The following SLC9A9 variants were observed in gnomAD, a reference collection of about 807,000 sequenced individuals.
SLC9A9 encodes the protein sodium/hydrogen exchanger 9.
SLC9A9 carries 62 observed loss-of-function variants against 77.8 expected under a neutral mutation model. The ratio of observed to expected loss-of-function variants is 0.80; its 90% CI spans 0.65 to 0.98. The LOEUF is 0.98. SLC9A9 is among the 50% of genes least tolerant of loss of function. The pLI, the probability that SLC9A9 is intolerant of heterozygous loss-of-function variation, is 0.00. For missense variants in SLC9A9, 775 were observed against 774.9 expected (o/e 1.00, Z 0.00); for synonymous variants, 320 against 283.5 (o/e 1.13, Z -1.29).
chr3:143,343,449 G>A (rs1170730200), intron 14 of SLC9A9: 2 of 152,102 alleles, frequency 1.3e-5, no homozygotes, highest in Non-Finnish European at 2.9e-5. Flanking sequence ...CAACAGCTAG[G>A]CAAGAACTGC....
chr3:143,715,703 G>C (rs1030704999), intron 4 of SLC9A9, among the ~76,000 whole-genome samples: 1 of 152,138 alleles, frequency 6.6e-6, no homozygotes, highest in Non-Finnish European at 1.5e-5. Context: ...GGAAGAATTA[G>C]AGAGGAAGGC....
At chr3:143,710,110 A>T (rs564777522) in intron 4 of SLC9A9, among the ~76,000 whole-genome samples, 1 of 152,338 alleles carries the variant, frequency 6.6e-6, no homozygotes, top group South Asian at 2.1e-4. Flanking sequence ...GAATTGTATC[A>T]ACTCAGAAGC....
At chr3:143,525,829 GAA>G in intron 9 of SLC9A9, among the ~76,000 whole-genome samples, 1 of 151,984 alleles carries the variant, frequency 6.6e-6, no homozygotes, top group South Asian at 2.1e-4. Context: ...AATGACAAAA[GAA>G]AAAAGAGAAA....
At chr3:143,267,473 G>A (rs768190096) in intron 15 of SLC9A9, among the ~76,000 whole-genome samples, 10 of 149,676 alleles carry the variant, frequency 6.7e-5, no homozygotes, top group South Asian at 4.2e-4. Context: ...CTTCAGCCTC[G>A]CGAGTAGCTG....
intron 12 of SLC9A9, among the ~76,000 whole-genome samples, chr3:143,423,519 C>T (rs149996362): frequency 2.0e-5 from 3 of 152,076 alleles, no homozygotes; most frequent in East Asian, 1.9e-4. Flanking sequence ...ATGTTAAGGG[C>T]GGAGCAGATG....
intron 11 of SLC9A9, among the ~76,000 whole-genome samples, chr3:143,476,867 G>C (rs1393987354): frequency 6.6e-6 from 1 of 152,156 alleles, no homozygotes; most frequent in Non-Finnish European, 1.5e-5. Context: ...CAGGGATGCT[G>C]TTAAACATTC....
intron 9 of SLC9A9, among the ~76,000 whole-genome samples, chr3:143,519,047 G>A (rs1377342942): frequency 6.6e-6 from 1 of 152,208 alleles, no homozygotes; most frequent in African/African-American, 2.4e-5. Flanking sequence ...AGGACCTACT[G>A]TGTGCCAGCT....
At chr3:143,356,292 C>T (rs545853619) in intron 14 of SLC9A9, among the ~76,000 whole-genome samples, 11 of 152,226 alleles carry the variant, frequency 7.2e-5, no homozygotes, top group African/African-American at 2.4e-4. Context: ...GAATCAGTTG[C>T]CATCAGTAGG....
chr3:143,759,753 T>C (rs1055571071), intron 4 of SLC9A9, among the ~76,000 whole-genome samples: 1 of 152,146 alleles, frequency 6.6e-6, no homozygotes, highest in Non-Finnish European at 1.5e-5. Context: ...TCTCCCCATA[T>C]TTATTTTACT....
chr3:143,521,485 T>A (rs1426459463), intron 9 of SLC9A9, among the ~76,000 whole-genome samples: 1 of 152,182 alleles, frequency 6.6e-6, no homozygotes, highest in Non-Finnish European at 1.5e-5. Context: ...TGACAGTGTT[T>A]CCCTTTTGAT....
At chr3:143,427,982 T>C (rs1288615129) in intron 12 of SLC9A9, among the ~76,000 whole-genome samples, 1 of 152,196 alleles carries the variant, frequency 6.6e-6, no homozygotes, top group Non-Finnish European at 1.5e-5. Flanking sequence ...ATTATGAAAT[T>C]ACTAAAGGAA....
intron 4 of SLC9A9, among the ~76,000 whole-genome samples, chr3:143,759,652 C>G (rs964060073): frequency 2.0e-5 from 3 of 151,796 alleles, no homozygotes; most frequent in Admixed American, 6.6e-5. Context: ...AGAAATACCC[C>G]CGTTTTTTTC....
intron 6 of SLC9A9, among the ~76,000 whole-genome samples, chr3:143,601,539 T>G (rs2037845096): frequency 6.6e-6 from 1 of 152,230 alleles, no homozygotes; most frequent in African/African-American, 2.4e-5. Flanking sequence ...CCTCTGCTCT[T>G]TCACTGTATC....
intron 12 of SLC9A9, among the ~76,000 whole-genome samples, chr3:143,406,748 G>A (rs1420753946): frequency 3.9e-5 from 6 of 152,060 alleles, no homozygotes; most frequent in Non-Finnish European, 7.4e-5. Context: ...GGCCAAGGCC[G>A]GGAGATCACC....
At chr3:143,278,265 A>G (rs1938113214) in intron 14 of SLC9A9, among the ~76,000 whole-genome samples, 1 of 152,184 alleles carries the variant, frequency 6.6e-6, no homozygotes, top group Admixed American at 6.5e-5. Flanking sequence ...ACGGGGAGGA[A>G]GACGGCAAAC....
chr3:143,601,820 C>A (rs923186388), intron 6 of SLC9A9, among the ~76,000 whole-genome samples: 9 of 152,134 alleles, frequency 5.9e-5, no homozygotes, highest in African/African-American at 2.2e-4. Context: ...CTGGAGGAAA[C>A]ACCTTCACTG....
At chr3:143,333,422 G>A (rs149526449) in intron 14 of SLC9A9, among the ~76,000 whole-genome samples, 3 of 152,338 alleles carry the variant, frequency 2.0e-5, no homozygotes, top group Non-Finnish European at 4.4e-5. Context: ...AGTATTCACA[G>A]TAAACACTAG....
chr3:143,448,983 AATAATTATAATTATATAATTATATAAAAT>A (rs1559920435), intron 12 of SLC9A9, among the ~76,000 whole-genome samples: 2 of 6,644 alleles, frequency 3.0e-4, no homozygotes, highest in Non-Finnish European at 3.8e-4. Flanking sequence ...ATTATATAAA[AATAATTATAATTATATAATTATATAAAAT>A]ATAATTATAA....
chr3:143,603,450 T>G (rs77547511), intron 6 of SLC9A9, among the ~76,000 whole-genome samples: 2 of 152,030 alleles, frequency 1.3e-5, no homozygotes, highest in African/African-American at 2.4e-5. Flanking sequence ...GAATCCATTT[T>G]GTTGCTCTTT....
Sources: gnomAD v4.1 joint callset for allele counts (sites outside exome capture counted in the v4.1 genomes callset) on GRCh38, gnomAD v4.1.1 for gene constraint, MANE v1.5 for transcripts, NCBI Gene and HGNC (gene_info 2026-07-23, HGNC 2026-07-21) for gene names.